The following MED17 variants were observed in gnomAD, a reference collection of about 807,000 sequenced individuals.
MED17 encodes mediator of RNA polymerase II transcription subunit 17.
In MED17, 49 loss-of-function variants were observed where a neutral mutation model predicts 80.8. The ratio of observed to expected loss-of-function variants is 0.61; its 90% CI spans 0.48 to 0.77. MED17 has a LOEUF of 0.77. Ranked by LOEUF, MED17 falls within the 30% of genes least tolerant of loss-of-function variation. The pLI, the probability that MED17 is intolerant of heterozygous loss-of-function variation, is 0.00. For missense variants in MED17, 718 were observed against 787.0 expected, an observed-to-expected ratio of 0.91 and a Z score of 1.05; for synonymous variants, 281 against 280.4, an observed-to-expected ratio of 1.00 and a Z score of -0.02.
In MED17 at chr11:93,810,084, T is replaced by A. The variant is rs1944070417; in HGVS notation, c.1744+208T>A. 8.8e-6 allele frequency: 5 copies of A among 566,136 alleles called. No individual in the cohort carries two copies. In the Admixed American group the frequency reaches 1.4e-4, roughly 16 times the overall value. 35.1% of individuals were successfully genotyped at this position (566,136 alleles called of 1,614,324 possible). On this transcript the variant is annotated intron_variant, in intron 11 of 11. Coordinates refer to ENST00000251871, the MANE Select transcript of MED17 (RefSeq NM_004268.5). ...CTAGTAATTATAATAAATGTTTAGA[T>A]TGGCAGCACATTTTCCTGAGATAGT... is the stretch of plus-strand genomic sequence containing the variant.
chr11:93,785,102 C>A (rs1017555536), intron 1 of MED17, among the ~76,000 whole-genome samples: 4 of 152,234 alleles, frequency 2.6e-5, no homozygotes. Context: ...CCCTTGCCGG[C>A]TGTGTGACCT....
At chr11:93,810,043 A>AT in intron 11 of MED17, 167 bp downstream of exon 11, 1 of 694,812 alleles carries the variant, frequency 1.4e-6, no homozygotes, top group Non-Finnish European at 2.5e-6. Flanking sequence ...AGAGCAAGAG[A>AT]TTATTATTTC....
chr11:93,793,853 G>C lies in MED17; in HGVS notation c.763G>C (p.Ala255Pro). ...VQIPSDLEGS[A>P]YIKVSIQKQA... ...AATTCCTAGTGATTTAGAGGGGTCTGCATATATCAAGGTATTTGTCAAAAT... is the reference window on the plus strand; with the variant it reads ...AATTCCTAGTGATTTAGAGGGGTCTCCATATATCAAGGTATTTGTCAAAAT... Residue 255 changes from alanine to proline, a missense_variant, in exon 4 of 12, where the codon GCA becomes CCA. Coordinates refer to ENST00000251871, the MANE Select transcript of MED17 (RefSeq NM_004268.5). The C allele has an allele frequency of 6.2e-7, 1 of 1,613,286 alleles. No homozygotes were observed.
At chr11:93,797,263 T>G in intron 7 of MED17, 1 of 407,980 alleles carries the variant, frequency 2.5e-6, no homozygotes, top group Non-Finnish European at 4.5e-6. Context: ...TATGCATGAG[T>G]TGTGACTCCC....
chr11:93,787,978 T>C, intron 1 of MED17, 23 bp from the exon 2 acceptor site: 1 of 1,609,622 alleles, frequency 6.2e-7, no homozygotes, highest in Non-Finnish European at 8.5e-7. Flanking sequence ...CTGTATTTCT[T>C]TTTTTTCTCT....
intron 1 of MED17, among the ~76,000 whole-genome samples, chr11:93,787,373 A>C (rs1439406959): frequency 6.6e-6 from 1 of 152,048 alleles, no homozygotes; most frequent in African/African-American, 2.4e-5. Flanking sequence ...AGATCGCGCT[A>C]CTGCACTCCA....
rs192426547 is a variant in MED17 at position 93,785,360 on chromosome 11, A to G, written c.250+597A>G. On this transcript the variant is annotated intron_variant, in intron 1 of 11. Coordinates refer to ENST00000251871, the MANE Select transcript of MED17 (RefSeq NM_004268.5). The stretch of plus-strand genomic sequence containing the variant: ...TTTCTAATAAATGAATTATAGGGAA[A>G]GCAAAACTGGAAGGGAGGAGACTAG... Among the ~76,000 whole-genome samples the G allele has an allele frequency of 6.2e-4, 94 of 152,332 alleles. 1 individual carries two copies. The East Asian group carries it at 0.015, about 25-fold the overall frequency.
rs372057965 is a variant in MED17, at chr11:93,794,937, G to A, written c.889G>A (p.Ala297Thr). 4 of 1,614,160 alleles carry A rather than the reference G, an allele frequency of 2.5e-6. No homozygotes were observed. Among genetic ancestry groups the A allele is most frequent in the Non-Finnish European group, 3.4e-6 (4 of 1,180,022 alleles). ...CCCACATTGGCAGACAAAATTAGAA[G>A]CGGCACAGAATGTTCTCTTATGTAA... is the stretch of plus-strand genomic sequence containing the variant. The part of the protein sequence containing the change: ...GSPHWQTKLE[A>T]AQNVLLCKEI... The change falls in exon 6 of 12, where the codon GCG becomes ACG. Residue 297 changes from alanine to threonine, a missense_variant. Transcript: ENST00000251871.
chr11:93,790,997 A>G (rs1362274998), intron 3 of MED17, among the ~76,000 whole-genome samples: 1 of 152,208 alleles, frequency 6.6e-6, no homozygotes, highest in African/African-American at 2.4e-5. Context: ...AATCCTAGCT[A>G]CTTGGGAGGC....
intron 10 of MED17, 97 bp from the exon 11 acceptor site, chr11:93,809,620 G>T (rs576853701): frequency 7.8e-6 from 10 of 1,285,476 alleles, no homozygotes; most frequent in Non-Finnish European, 1.1e-5. Flanking sequence ...GTAGTAGTCA[G>T]TGAGCACCCC....
rs975067503 is a variant in MED17 at position 93,802,078 on chromosome 11, A to G, written c.1466+106A>G. 5 of 1,039,176 alleles carry G rather than the reference A, an allele frequency of 4.8e-6. No homozygotes were observed. The African/African-American group carries it at 6.5e-5, about 13-fold the overall frequency. The allele number at this position is 1,039,176 out of a possible 1,614,324, so 64.4% of individuals were successfully genotyped here. On this transcript the variant is annotated intron_variant, in intron 9 of 11. Coordinates refer to ENST00000251871, the MANE Select transcript of MED17 (RefSeq NM_004268.5). ...GGTTTTTATTTGCTAGGGTGGCATA[A>G]TATTTCTGTAAATTATATAAGCTGT...
chr11:93,812,445 CTT>C lies in MED17; in HGVS notation c.*391_*392del. ...TTTTTCCCCCCAAATACTTTCTAAA[CTT>C]TTTTTTTTTGAGATGGTATCTCACT... On this transcript the variant is annotated 3_prime_UTR_variant, in exon 12 of 12. Transcript: ENST00000251871. 4.3e-5 allele frequency: 15 copies of C among 352,230 alleles called. No homozygotes were observed. Among genetic ancestry groups the C allele is most frequent in the Non-Finnish European group, 6.5e-5 (13 of 198,494 alleles). The allele number at this position is 352,230 out of a possible 1,614,324, so 21.8% of individuals were successfully genotyped here.
At chr11:93,787,758 ATGT>A (rs1231003544) in intron 1 of MED17, among the ~76,000 whole-genome samples, 1 of 152,240 alleles carries the variant, frequency 6.6e-6, no homozygotes, top group Non-Finnish European at 1.5e-5. Context: ...TGAGTCTATA[ATGT>A]TGTAATGATA....
rs369708342 is a variant in MED17 at position 93,793,514 on chromosome 11, G to GT, written c.638-202dup. ...TGTTGATGTCATTAGACTAAGAAGT[G>GT]TTTTTTTTTTTTAAGGTAAATAACC... On this transcript the variant is annotated intron_variant, in intron 3 of 11. Transcript: ENST00000251871. 0.089 allele frequency: 36,668 copies of GT among 410,514 alleles called. 872 individuals carry two copies. The highest frequency in any genetic ancestry group is 0.22 in the African/African-American group (10,326 of 47,578). The allele number at this position is 410,514 out of a possible 1,614,324, so 25.4% of individuals were successfully genotyped here. A position where few individuals can be genotyped will look rare whatever the true frequency, so the allele number is the denominator to read the frequency against.
intron 9 of MED17, among the ~76,000 whole-genome samples, chr11:93,803,821 A>G (rs536311875): frequency 6.6e-6 from 1 of 151,966 alleles, no homozygotes; most frequent in East Asian, 1.9e-4. Flanking sequence ...AACTTCCACA[A>G]AGAAAGATTA....
chr11:93,800,746 C>T (rs1943953864), intron 8 of MED17: 1 of 152,142 alleles, frequency 6.6e-6, no homozygotes, highest in South Asian at 2.1e-4. Context: ...AAGTGATCTT[C>T]CTGCCTTAGT....
chr11:93,787,943 C>T (rs1943786739), intron 1 of MED17, 58 bp from the exon 2 acceptor site: 1 of 1,406,002 alleles, frequency 7.1e-7, no homozygotes, highest in Non-Finnish European at 1.0e-6. Context: ...AGTGAGCTGT[C>T]TGCCATTCAA....
rs199995347 is a variant in MED17, at chr11:93,784,504, C to T, written c.-10C>T. 399 of 1,592,544 alleles carry T rather than the reference C, an allele frequency of 2.5e-4. 1 individual carries two copies. Among genetic ancestry groups the T allele is most frequent in the Non-Finnish European group, 2.9e-4 (338 of 1,166,462 alleles). ...GGGGGGTCCTCCCACCGCTGGCCGA[C>T]GCAGCCAGCATGTCCGGGGTGCGCG... On this transcript the variant is annotated 5_prime_UTR_variant, in exon 1 of 12. It adds an upstream start codon to the 5' untranslated region. Transcript: ENST00000251871.
intron 9 of MED17, among the ~76,000 whole-genome samples, chr11:93,803,123 G>A (rs1254941249): frequency 6.6e-6 from 1 of 152,162 alleles, no homozygotes; most frequent in Admixed American, 6.5e-5. Flanking sequence ...GGGACTACAG[G>A]TGTGCACTAC....
Sources: allele counts gnomAD v4.1 joint callset (sites outside exome capture counted in the v4.1 genomes callset), GRCh38; gene constraint gnomAD v4.1.1; transcripts MANE v1.5; gene names NCBI Gene and HGNC (gene_info 2026-07-23, HGNC 2026-07-21).